The following SGCD variants were observed in gnomAD, a reference collection of about 807,000 sequenced individuals.
SGCD encodes delta-sarcoglycan.
Under a neutral mutation model 36.6 loss-of-function variants are expected in SGCD, and 18 were observed. That is an observed-to-expected ratio of 0.49 (90% confidence interval 0.34 to 0.73). SGCD has a LOEUF of 0.73. SGCD is among the 30% of genes least tolerant of loss of function. SGCD has a pLI of 0.01. For synonymous variants in SGCD, 133 were observed against 130.6 expected (o/e 1.02, Z -0.12); for missense variants, 387 against 346.7 (o/e 1.12, Z -0.92).
chr5:156,413,925 T>G (rs1444242906), intron 3 of SGCD, among the ~76,000 whole-genome samples: 1 of 152,176 alleles, frequency 6.6e-6, no homozygotes, highest in Non-Finnish European at 1.5e-5. Flanking sequence ...ACTGAGGTTT[T>G]GGAGATGAAA....
chr5:155,893,935 T>C (rs1301577365), intron 1 of SGCD, among the ~76,000 whole-genome samples: 1 of 152,226 alleles, frequency 6.6e-6, no homozygotes, highest in African/African-American at 2.4e-5. Context: ...CAGGCAATTG[T>C]AACACAATGG....
At chr5:156,256,746 A>G (rs753447905) in intron 3 of SGCD, among the ~76,000 whole-genome samples, 11 of 152,228 alleles carry the variant, frequency 7.2e-5, no homozygotes, top group Non-Finnish European at 1.2e-4. Context: ...TTGTCAGAAT[A>G]TAATCTGTGG....
intron 3 of SGCD, among the ~76,000 whole-genome samples, chr5:156,149,272 C>T (rs1034612332): frequency 3.3e-5 from 5 of 152,166 alleles, no homozygotes; most frequent in African/African-American, 7.2e-5. Context: ...TCCAATTATA[C>T]ACTTTGTTAT....
the SGCD span, among the ~76,000 whole-genome samples, chr5:155,815,471 C>A: frequency 6.6e-6 from 1 of 152,124 alleles, no homozygotes; most frequent in Admixed American, 6.6e-5. Context: ...CCAAAATTGG[C>A]AGTAAAGTGT....
At chr5:156,437,887 TTGAA>T (rs1753309885) in intron 3 of SGCD, among the ~76,000 whole-genome samples, 1 of 152,206 alleles carries the variant, frequency 6.6e-6, no homozygotes, top group South Asian at 2.1e-4. Flanking sequence ...AAGTGGATAT[TTGAA>T]TGAGCATTTC....
At chr5:156,186,951 T>TAAG (rs1763775989) in intron 3 of SGCD, among the ~76,000 whole-genome samples, 1 of 152,246 alleles carries the variant, frequency 6.6e-6, no homozygotes, top group Non-Finnish European at 1.5e-5. Flanking sequence ...GAGAATGTAC[T>TAAG]AAGTTTTGGA....
the SGCD span, among the ~76,000 whole-genome samples, chr5:155,748,155 C>G: frequency 3.4e-4 from 52 of 151,318 alleles, no homozygotes; most frequent in Non-Finnish European, 6.6e-4. Context: ...GCCACAAAGA[C>G]CTTCCCTTGT....
At chr5:156,252,261 G>A (rs1765601388) in intron 3 of SGCD, among the ~76,000 whole-genome samples, 1 of 151,848 alleles carries the variant, frequency 6.6e-6, no homozygotes. Flanking sequence ...ATTTTTAGTA[G>A]AGATGGGGTT....
intron 1 of SGCD, among the ~76,000 whole-genome samples, chr5:155,876,830 C>T (rs1755778155): frequency 6.6e-6 from 1 of 152,050 alleles, no homozygotes; most frequent in African/African-American, 2.4e-5. Flanking sequence ...ATTTTATGAC[C>T]TTCACTGTGC....
At chr5:156,712,937 A>G (rs952438689) in intron 7 of SGCD, among the ~76,000 whole-genome samples, 7 of 152,190 alleles carry the variant, frequency 4.6e-5, no homozygotes, top group Non-Finnish European at 2.9e-5. Context: ...AAGCTTCATG[A>G]GAAGCTTATT....
chr5:156,417,784 G>A (rs1021006047), intron 3 of SGCD, among the ~76,000 whole-genome samples: 2 of 152,036 alleles, frequency 1.3e-5, no homozygotes, highest in Non-Finnish European at 2.9e-5. Flanking sequence ...TTCAACATAT[G>A]AAGTTGGGGG....
rs184663101 is a variant in SGCD, at chr5:156,577,020, A to G, written c.295-12211A>G. Among the ~76,000 whole-genome samples the G allele has an allele frequency of 2.0e-5, 3 of 152,218 alleles. No homozygotes were observed. In the East Asian group the frequency reaches 5.8e-4, roughly 29 times the overall value. ...GCCTATTTCCTGAATCGTATTGCCT[A>G]GGTTTTCTTCTAGGGTTTTTATGGT... is the stretch of plus-strand genomic sequence containing the variant. On this transcript the variant is annotated intron_variant, in intron 4 of 8. Transcript: ENST00000337851.
intron 3 of SGCD, among the ~76,000 whole-genome samples, chr5:156,508,037 C>T (rs1029474679): frequency 1.3e-5 from 2 of 152,058 alleles, no homozygotes; most frequent in African/African-American, 4.8e-5. Flanking sequence ...AATTGATAAT[C>T]GCTGAAGATG....
At chr5:156,338,914 G>A (rs1768499546) in intron 2 of SGCD, among the ~76,000 whole-genome samples, 1 of 151,272 alleles carries the variant, frequency 6.6e-6, no homozygotes, top group African/African-American at 2.4e-5. Flanking sequence ...CCAAGTCCAA[G>A]TCAACTCTTG....
At chr5:156,032,207 A>G (rs927743896) in intron 1 of SGCD, among the ~76,000 whole-genome samples, 5 of 152,092 alleles carry the variant, frequency 3.3e-5, no homozygotes, top group South Asian at 4.1e-4. Flanking sequence ...TACAATATCA[A>G]TGTTAATGGT....
chr5:156,698,581 A>T (rs890539475), intron 7 of SGCD, among the ~76,000 whole-genome samples: 1 of 152,134 alleles, frequency 6.6e-6, no homozygotes, highest in African/African-American at 2.4e-5. Context: ...TGCTCTGTGC[A>T]TCTCTAGCAA....
At chr5:156,052,679 C>T (rs1197449355) in intron 1 of SGCD, among the ~76,000 whole-genome samples, 1 of 145,348 alleles carries the variant, frequency 6.9e-6, no homozygotes, top group African/African-American at 2.5e-5. Context: ...TTGTGAAACA[C>T]AGTGCAAAAT....
At chr5:156,569,561 C>CA (rs1397229928) in intron 4 of SGCD, among the ~76,000 whole-genome samples, 14 of 151,178 alleles carry the variant, frequency 9.3e-5, no homozygotes, top group African/African-American at 3.4e-4. Flanking sequence ...CACTGCACTC[C>CA]AGCCTGGGCG....
chr5:155,762,147 A>G, the SGCD span, among the ~76,000 whole-genome samples: 2 of 152,142 alleles, frequency 1.3e-5, no homozygotes, highest in Non-Finnish European at 2.9e-5. Flanking sequence ...CAATTATACA[A>G]TTTGTTCTTT....
Sources: gnomAD v4.1 joint callset for allele counts (sites outside exome capture counted in the v4.1 genomes callset) on GRCh38, gnomAD v4.1.1 for gene constraint, MANE v1.5 for transcripts, NCBI Gene and HGNC (gene_info 2026-07-23, HGNC 2026-07-21) for gene names.